The following PCCA variants were observed in gnomAD, a reference collection of about 807,000 sequenced individuals.
PCCA encodes the protein propionyl-CoA carboxylase subunit alpha, also known as propionyl-CoA carboxylase alpha chain, mitochondrial.
In PCCA, 74 loss-of-function variants were observed where a neutral mutation model predicts 101.3. That is an observed-to-expected ratio of 0.73 (90% CI 0.61 to 0.89). PCCA has a LOEUF of 0.89. PCCA is among the 40% of genes least tolerant of loss of function. PCCA has a pLI of 0.00. For synonymous variants in PCCA, 294 were observed against 313.6 expected (o/e 0.94, Z 0.66); for missense variants, 891 against 907.0 (o/e 0.98, Z 0.23).
intron 21 of PCCA, among the ~76,000 whole-genome samples, chr13:100,471,593 AAC>A (rs2083018611): frequency 6.6e-6 from 1 of 152,192 alleles, no homozygotes; most frequent in South Asian, 2.1e-4. Flanking sequence ...TTTCTTCTCA[AAC>A]ACAGCAAACA....
intron 4 of PCCA, among the ~76,000 whole-genome samples, chr13:100,133,466 T>C (rs893397736): frequency 6.6e-6 from 1 of 152,218 alleles, no homozygotes; most frequent in East Asian, 1.9e-4. Flanking sequence ...AAGAACTCTT[T>C]ACCTAACTTC....
intron 1 of PCCA, among the ~76,000 whole-genome samples, chr13:100,090,359 T>C (rs1269664765): frequency 6.6e-6 from 1 of 152,204 alleles, no homozygotes; most frequent in African/African-American, 2.4e-5. Flanking sequence ...CTTTAATCTT[T>C]ATCATTCTGT....
intron 4 of PCCA, among the ~76,000 whole-genome samples, chr13:100,147,368 T>A (rs539212993): frequency 1.3e-5 from 2 of 152,346 alleles, no homozygotes; most frequent in East Asian, 3.8e-4. Context: ...ATGCATAGTG[T>A]CATCATTTAG....
chr13:100,327,301 T>G (rs2068803077), intron 16 of PCCA, among the ~76,000 whole-genome samples: 1 of 152,210 alleles, frequency 6.6e-6, no homozygotes, highest in African/African-American at 2.4e-5. Context: ...CCTAAAATTT[T>G]ATATTAATGG....
At chr13:100,435,035 T>C (rs1325172788) in intron 20 of PCCA, among the ~76,000 whole-genome samples, 1 of 152,228 alleles carries the variant, frequency 6.6e-6, no homozygotes, top group Non-Finnish European at 1.5e-5. Flanking sequence ...TTTTTGTTGC[T>C]GAACCCCTGT....
At chr13:100,210,629 T>C (rs1214546750) in intron 7 of PCCA, among the ~76,000 whole-genome samples, 6 of 152,364 alleles carry the variant, frequency 3.9e-5, no homozygotes, top group Admixed American at 3.9e-4. Flanking sequence ...AATTGAAGTA[T>C]GCAACTTCTC....
chr13:100,127,835 T>C (rs2050112450), intron 4 of PCCA, among the ~76,000 whole-genome samples: 2 of 152,080 alleles, frequency 1.3e-5, no homozygotes, highest in African/African-American at 4.8e-5. Context: ...GAGCTTGCAC[T>C]GAGCCGAGAT....
chr13:100,366,722 C>G (rs1443761667), intron 18 of PCCA, among the ~76,000 whole-genome samples: 1 of 152,110 alleles, frequency 6.6e-6, no homozygotes, highest in African/African-American at 2.4e-5. Context: ...TCCCCTGAAA[C>G]AGTTCTTTTC....
At chr13:100,472,532 C>A (rs995833737) in intron 21 of PCCA, among the ~76,000 whole-genome samples, 1 of 152,164 alleles carries the variant, frequency 6.6e-6, no homozygotes, top group Non-Finnish European at 1.5e-5. Flanking sequence ...AGGGGGCACA[C>A]CCCTCCATGC....
At position 100,378,668 on chromosome 13, in the gene PCCA, A is replaced by C. The variant is rs569130003; in HGVS notation, c.1746+10094A>C. On this transcript the variant is annotated intron_variant, in intron 19 of 23. Transcript: ENST00000376285. ...TTGTGTGACTGCATTATTTCAAAAG[A>C]CTTCTCTTCATGCTTTGAGATTCTT... 2.0e-5 allele frequency among the ~76,000 whole-genome samples: 3 copies of C among 152,154 alleles called. No individual in the cohort carries two copies. In the East Asian group the frequency reaches 5.8e-4, roughly 29 times the overall value.
chr13:100,478,004 C>G (rs543786577), intron 21 of PCCA, among the ~76,000 whole-genome samples: 45 of 152,330 alleles, frequency 3.0e-4, no homozygotes, highest in African/African-American at 9.6e-4. Context: ...CTGGATGTGG[C>G]GAGCTCGAGC....
intron 7 of PCCA, among the ~76,000 whole-genome samples, chr13:100,219,442 A>G (rs2059692759): frequency 6.6e-6 from 1 of 152,108 alleles, no homozygotes; most frequent in Non-Finnish European, 1.5e-5. Context: ...TTTACACGGG[A>G]GATTTTTCCT....
chr13:100,144,799 TAA>T (rs955754302), intron 4 of PCCA, among the ~76,000 whole-genome samples: 10 of 152,168 alleles, frequency 6.6e-5, no homozygotes, highest in Non-Finnish European at 8.8e-5. Flanking sequence ...TGGAAAATGG[TAA>T]AGAGTACTCA....
intron 12 of PCCA, among the ~76,000 whole-genome samples, chr13:100,278,883 C>A (rs1448724953): frequency 2.0e-5 from 3 of 151,890 alleles, no homozygotes; most frequent in East Asian, 3.8e-4. Flanking sequence ...GTTCTATACC[C>A]TCAAAAAATT....
chr13:100,166,001 A>G (rs1441832012), intron 6 of PCCA, among the ~76,000 whole-genome samples: 1 of 152,234 alleles, frequency 6.6e-6, no homozygotes, highest in Non-Finnish European at 1.5e-5. Flanking sequence ...AAGTGCACAT[A>G]TATAAGAAAT....
At chr13:100,321,326 A>G (rs2068007678) in intron 16 of PCCA, among the ~76,000 whole-genome samples, 1 of 152,128 alleles carries the variant, frequency 6.6e-6, no homozygotes, top group Non-Finnish European at 1.5e-5. Flanking sequence ...TGCCTACCTA[A>G]TTGATCTTTC....
intron 7 of PCCA, among the ~76,000 whole-genome samples, chr13:100,233,137 C>T (rs1409991050): frequency 1.3e-5 from 2 of 152,108 alleles, no homozygotes; most frequent in Non-Finnish European, 2.9e-5. Context: ...AGGATGACTT[C>T]CCAGGAGTAA....
chr13:100,171,231 G>A (rs925110905), intron 6 of PCCA, among the ~76,000 whole-genome samples: 7 of 152,160 alleles, frequency 4.6e-5, no homozygotes, highest in African/African-American at 1.7e-4. Context: ...CTATTCTTTT[G>A]AAATACATTT....
At chr13:100,124,413 C>CA (rs1566524169) in intron 4 of PCCA, among the ~76,000 whole-genome samples, 1 of 152,154 alleles carries the variant, frequency 6.6e-6, no homozygotes, top group Non-Finnish European at 1.5e-5. Flanking sequence ...CACTGTGACT[C>CA]ACATCTTACC....
Sources: allele counts gnomAD v4.1 joint callset (sites outside exome capture counted in the v4.1 genomes callset), GRCh38; gene constraint gnomAD v4.1.1; transcripts MANE v1.5; gene names NCBI Gene and HGNC (gene_info 2026-07-23, HGNC 2026-07-21).